CCDC7: variants seen among roughly 807,000 people sequenced by gnomAD.
CCDC7 encodes the protein coiled-coil domain containing 7, also known as coiled-coil domain-containing protein 7.
In CCDC7, 183 loss-of-function variants were observed where a neutral mutation model predicts 196.9. That is an observed-to-expected ratio of 0.93 (90% confidence interval 0.82 to 1.05). The LOEUF is 1.05. Ranked by LOEUF, CCDC7 falls within the 50% of genes least tolerant of loss-of-function variation. The pLI is 0.00. For synonymous variants in CCDC7, 525 were observed against 484.6 expected, an observed-to-expected ratio of 1.08 and a Z score of -1.10; for missense variants, 1,540 against 1,482.2, an observed-to-expected ratio of 1.04 and a Z score of -0.64.
chr10:32,814,026 C>T (rs1293700982), intron 30 of CCDC7, among the ~76,000 whole-genome samples: 1 of 152,110 alleles, frequency 6.6e-6, no homozygotes, highest in Non-Finnish European at 1.5e-5. Context: ...GGCATGATCT[C>T]AGCTCACTGC....
upstream of CCDC7, chr10:32,451,612 T>C: frequency 6.5e-7 from 1 of 1,540,502 alleles, no homozygotes; most frequent in African/African-American, 1.4e-5. Flanking sequence ...GTTTTTTTCA[T>C]CTGTAATTTG....
chr10:32,794,840 G>A (rs574582165), intron 29 of CCDC7, among the ~76,000 whole-genome samples: 2 of 152,238 alleles, frequency 1.3e-5, no homozygotes, highest in South Asian at 4.1e-4. Flanking sequence ...CAAATGCATA[G>A]TGAGGGTGAA....
At chr10:32,539,197 T>C (rs912042490) in intron 11 of CCDC7, among the ~76,000 whole-genome samples, 4 of 152,152 alleles carry the variant, frequency 2.6e-5, no homozygotes, top group Non-Finnish European at 5.9e-5. Context: ...TTGTTATTGG[T>C]CTGCTCAGGG....
At chr10:32,724,626 A>G (rs554946486) in intron 25 of CCDC7, among the ~76,000 whole-genome samples, 7 of 152,102 alleles carry the variant, frequency 4.6e-5, no homozygotes, top group Non-Finnish European at 7.4e-5. Flanking sequence ...TAGATGTGGC[A>G]TGTGGAGAGG....
chr10:32,718,549 A>G (rs12772299), intron 25 of CCDC7, among the ~76,000 whole-genome samples: 2,109 of 152,314 alleles, frequency 0.014, 24 homozygotes, highest in Non-Finnish European at 0.023. Context: ...AAAAAAATAA[A>G]AGATATTCAA....
At chr10:32,699,633 A>C (rs989629850) in intron 24 of CCDC7, among the ~76,000 whole-genome samples, 7 of 149,338 alleles carry the variant, frequency 4.7e-5, no homozygotes, top group Non-Finnish European at 7.3e-5. Flanking sequence ...CGCCACACAG[A>C]CTTCCACAAT....
chr10:32,696,020 C>T (rs181297997), intron 24 of CCDC7, among the ~76,000 whole-genome samples: 24 of 150,976 alleles, frequency 1.6e-4, no homozygotes, highest in Non-Finnish European at 2.5e-4. Flanking sequence ...ATCCCCAAGA[C>T]AGTTGATAGT....
At chr10:32,755,465 T>G (rs1342057264) in intron 28 of CCDC7, among the ~76,000 whole-genome samples, 2 of 152,090 alleles carry the variant, frequency 1.3e-5, no homozygotes, top group Non-Finnish European at 2.9e-5. Context: ...CTGCAGCCTC[T>G]GCTGGTGATA....
At chr10:32,553,626 C>CT (rs111257519) in intron 13 of CCDC7, among the ~76,000 whole-genome samples, 24 of 152,140 alleles carry the variant, frequency 1.6e-4, no homozygotes, top group African/African-American at 5.8e-4. Context: ...ATGTAGTACT[C>CT]TCCCCCTTTT....
At chr10:32,839,349 G>C (rs2092824585) in intron 33 of CCDC7, among the ~76,000 whole-genome samples, 2 of 151,836 alleles carry the variant, frequency 1.3e-5, no homozygotes, top group Admixed American at 6.6e-5. Context: ...AAAGCAAGCA[G>C]AAGTAGCTGT....
intron 28 of CCDC7, among the ~76,000 whole-genome samples, chr10:32,776,433 C>T: frequency 6.6e-6 from 1 of 152,030 alleles, no homozygotes. Context: ...TCCCTATCAT[C>T]ACCAGGCTCA....
intron 20 of CCDC7, among the ~76,000 whole-genome samples, chr10:32,662,213 G>A (rs1303541391): frequency 6.6e-6 from 1 of 152,070 alleles, no homozygotes; most frequent in Non-Finnish European, 1.5e-5. Context: ...TGCACCAGGC[G>A]GACACTGCTG....
intron 9 of CCDC7, among the ~76,000 whole-genome samples, chr10:32,514,887 T>C (rs7092644): frequency 0.84 from 127,138 of 152,178 alleles, 53,707 homozygotes; most frequent in Non-Finnish European, 0.9. Flanking sequence ...TGCAGTGATG[T>C]AATCATAGCT....
At chr10:32,489,752 G>A (rs1415551613) in intron 8 of CCDC7, among the ~76,000 whole-genome samples, 1 of 152,132 alleles carries the variant, frequency 6.6e-6, no homozygotes, top group African/African-American at 2.4e-5. Context: ...TCTAGGGCCT[G>A]GGGTGGGGCT....
chr10:32,797,576 T>TCTGATG (rs201363048), intron 29 of CCDC7, among the ~76,000 whole-genome samples: 12,518 of 152,002 alleles, frequency 0.082, 552 homozygotes, highest in East Asian at 0.15. Flanking sequence ...ATACTGCTCG[T>TCTGATG]CTGATGGGCG....
chr10:32,774,481 T>C (rs1305309774), intron 28 of CCDC7, among the ~76,000 whole-genome samples: 1 of 152,154 alleles, frequency 6.6e-6, no homozygotes, highest in African/African-American at 2.4e-5. Flanking sequence ...TGAGTGGTGT[T>C]AGCCCTGCTT....
At chr10:32,641,334 C>T (rs528694603) in intron 20 of CCDC7, among the ~76,000 whole-genome samples, 13 of 152,196 alleles carry the variant, frequency 8.5e-5, no homozygotes, top group African/African-American at 2.2e-4. Flanking sequence ...CATATTTCTC[C>T]GAGGCTTTGT....
chr10:32,635,243 T>G, intron 20 of CCDC7, 85 bp downstream of exon 21: 2 of 387,460 alleles, frequency 5.2e-6, no homozygotes. Flanking sequence ...TATCTACAAC[T>G]TTTTTTGTAA....
intron 28 of CCDC7, among the ~76,000 whole-genome samples, chr10:32,730,980 G>C (rs1454428580): frequency 6.6e-6 from 1 of 151,898 alleles, no homozygotes; most frequent in Non-Finnish European, 1.5e-5. Flanking sequence ...TTTTTATTGT[G>C]TCATTTACAT....
Sources: allele counts gnomAD v4.1 joint callset (sites outside exome capture counted in the v4.1 genomes callset), GRCh38; gene constraint gnomAD v4.1.1; transcripts MANE v1.5; gene names NCBI Gene and HGNC (gene_info 2026-07-23, HGNC 2026-07-21).